The following COL25A1 variants were observed in gnomAD, a reference collection of about 807,000 sequenced individuals.
The protein encoded by COL25A1 is collagen type XXV alpha 1 chain, also known as collagen alpha-1(XXV) chain.
COL25A1 carries 103 observed loss-of-function variants against 128.4 expected under a neutral mutation model. The observed-to-expected ratio is 0.80, with a 90% CI of 0.68 to 0.94. The LOEUF (loss-of-function observed/expected upper bound fraction) is 0.94. Among genes scored for constraint, COL25A1 ranks in the 40% least tolerant of loss-of-function variants. COL25A1 has a pLI of 0.00. For synonymous variants in COL25A1, 279 were observed against 277.2 expected (o/e 1.01, Z -0.06); for missense variants, 745 against 840.0 (o/e 0.89, Z 1.40).
intron 19 of COL25A1, among the ~76,000 whole-genome samples, chr4:108,881,179 C>T (rs1461080293): frequency 1.3e-5 from 2 of 152,156 alleles, no homozygotes; most frequent in African/African-American, 4.8e-5. Context: ...TTCTCAGTGA[C>T]TTTTATTATG....
At chr4:109,078,861 C>T (rs1213514708) in intron 3 of COL25A1, among the ~76,000 whole-genome samples, 1 of 152,206 alleles carries the variant, frequency 6.6e-6, no homozygotes, top group Non-Finnish European at 1.5e-5. Flanking sequence ...AGCTACAGCA[C>T]ACTGGCTTCC....
intron 3 of COL25A1, among the ~76,000 whole-genome samples, chr4:109,119,209 C>T (rs920627141): frequency 2.0e-5 from 3 of 151,872 alleles, no homozygotes; most frequent in Non-Finnish European, 2.9e-5. Flanking sequence ...GTAGTGAAAG[C>T]AGTGCTTAGA....
chr4:109,095,993 G>A (rs1012449619), intron 3 of COL25A1, among the ~76,000 whole-genome samples: 1 of 152,168 alleles, frequency 6.6e-6, no homozygotes. Context: ...TTCACTAACT[G>A]AGTGAAGGGT....
chr4:109,228,266 T>C (rs910421200), intron 3 of COL25A1, among the ~76,000 whole-genome samples: 3 of 152,160 alleles, frequency 2.0e-5, no homozygotes, highest in African/African-American at 7.2e-5. Flanking sequence ...TAGGTACTCC[T>C]TAATTCAGTC....
rs144930938 is a variant in COL25A1 at position 108,912,502 on chromosome 4, A to G, written c.780+5670T>C. ...TCAATATCTTTTCTTAAAGTTTAGC[A>G]TTAGAAAGTCATAAACATACTGCAT... On this transcript the variant is annotated intron_variant, in intron 13 of 37. Coordinates refer to ENST00000399132, the MANE Select transcript of COL25A1 (RefSeq NM_198721.4). Among the ~76,000 whole-genome samples, 1,137 of 152,312 alleles carry G rather than the reference A, an allele frequency of 7.5e-3. 8 individuals are homozygous for G. Among genetic ancestry groups the G allele is most frequent in the African/African-American group, 0.026 (1,062 of 41,576 alleles).
At chr4:108,884,251 G>T in intron 18 of COL25A1, 29 bp from the exon 19 acceptor site, 1 of 1,589,178 alleles carries the variant, frequency 6.3e-7, no homozygotes, top group Non-Finnish European at 8.6e-7. Context: ...TAGCATTATA[G>T]AATGATATTC....
rs928865640 is a variant in COL25A1 at position 108,848,864 on chromosome 4, A to T, written c.1390-61T>A. 5 of 1,277,370 alleles carry T rather than the reference A, an allele frequency of 3.9e-6. No individual in the cohort carries two copies. In the East Asian group the frequency reaches 1.2e-4, roughly 29 times the overall value. 79.1% of individuals were successfully genotyped at this position (1,277,370 alleles called of 1,614,324 possible). A position where few individuals can be genotyped will look rare whatever the true frequency, so the allele number is the denominator to read the frequency against. ...TCATTGGTAACATACTGCACTACAT[A>T]AAAAAACGATGCTAGTTTGTTAACA... On this transcript the variant is annotated intron_variant, in intron 26 of 37. Coordinates refer to ENST00000399132, the MANE Select transcript of COL25A1 (RefSeq NM_198721.4).
chr4:109,260,371 A>C (rs1267778831), intron 3 of COL25A1, among the ~76,000 whole-genome samples: 1 of 152,218 alleles, frequency 6.6e-6, no homozygotes, highest in Non-Finnish European at 1.5e-5. Flanking sequence ...TTTGGAACTT[A>C]AACAGGAAAT....
chr4:109,003,773 C>T (rs559146585), intron 6 of COL25A1, among the ~76,000 whole-genome samples: 5 of 152,212 alleles, frequency 3.3e-5, no homozygotes, highest in Non-Finnish European at 5.9e-5. Flanking sequence ...GCACTCCAGC[C>T]TGGGCAACAG....
At chr4:108,829,368 GGTGTGTAT>G (rs1309701872) in intron 32 of COL25A1, among the ~76,000 whole-genome samples, 1 of 149,296 alleles carries the variant, frequency 6.7e-6, no homozygotes, top group Non-Finnish European at 1.5e-5. Flanking sequence ...TAACTAGTAA[GGTGTGTAT>G]GTGTAAGTGT....
chr4:108,934,725 T>C (rs1747202823), intron 11 of COL25A1, among the ~76,000 whole-genome samples: 1 of 152,186 alleles, frequency 6.6e-6, no homozygotes, highest in Admixed American at 6.5e-5. Context: ...ATTACACTGA[T>C]TTACAGAAAG....
At chr4:109,266,022 G>GT (rs77148435) in intron 3 of COL25A1, among the ~76,000 whole-genome samples, 33,257 of 151,778 alleles carry the variant, frequency 0.22, 4,238 homozygotes, top group Middle Eastern at 0.31. Context: ...CTGTGTTAAA[G>GT]TTTTTTTTAA....
At chr4:109,015,266 A>G (rs1248237983) in intron 5 of COL25A1, among the ~76,000 whole-genome samples, 1 of 152,236 alleles carries the variant, frequency 6.6e-6, no homozygotes, top group East Asian at 1.9e-4. Flanking sequence ...GTTACTGAGT[A>G]GTATTGTTCT....
At chr4:108,839,851 A>G (rs1443869318) in intron 31 of COL25A1, among the ~76,000 whole-genome samples, 1 of 152,164 alleles carries the variant, frequency 6.6e-6, no homozygotes, top group African/African-American at 2.4e-5. Flanking sequence ...TCCTAATCCA[A>G]TGGTGATGGC....
Position 109,050,145 on chromosome 4 carries a change from T to C in COL25A1, c.402A>G (p.Arg134=). 2 of 1,609,342 alleles carry C rather than the reference T, an allele frequency of 1.2e-6. No homozygotes were observed. The highest frequency in any genetic ancestry group is 1.7e-6 in the Non-Finnish European group (2 of 1,176,894). ...PPGKRGKRGR[R]GESGPPGQPG... is the part of the protein sequence containing the mutation. Reference sequence around the variant, plus strand: ...GAAAGAGAGACTTACCAGATTCTCCTCTTCGGCCTCTCTTACCTCGTTTCC... The same window carrying C: ...GAAAGAGAGACTTACCAGATTCTCCCCTTCGGCCTCTCTTACCTCGTTTCC... Residue 134 remains arginine, a synonymous_variant, in exon 4 of 38, where the codon AGA becomes AGG. Transcript: ENST00000399132.
At chr4:109,175,934 C>T (rs1213270191) in intron 3 of COL25A1, among the ~76,000 whole-genome samples, 1 of 152,108 alleles carries the variant, frequency 6.6e-6, no homozygotes, top group Non-Finnish European at 1.5e-5. Flanking sequence ...AGAGTTAAAC[C>T]TTAACTTATA....
At chr4:109,054,273 G>C (rs1278648307) in intron 3 of COL25A1, among the ~76,000 whole-genome samples, 1 of 152,162 alleles carries the variant, frequency 6.6e-6, no homozygotes, top group African/African-American at 2.4e-5. Context: ...ATGGAACACA[G>C]AGTTAAAAAC....
intron 31 of COL25A1, among the ~76,000 whole-genome samples, chr4:108,840,174 G>A (rs1258506362): frequency 1.3e-5 from 2 of 150,614 alleles, no homozygotes; most frequent in African/African-American, 2.4e-5. Flanking sequence ...CCCAGGAGGC[G>A]GAGGTTGCAG....
intron 37 of COL25A1, 106 bp from the exon 38 acceptor site, chr4:108,814,035 G>T: frequency 1.2e-6 from 1 of 854,448 alleles, no homozygotes. Context: ...CTTGAATAGA[G>T]TCTATAAGCC....
Sources: allele counts gnomAD v4.1 joint callset (sites outside exome capture counted in the v4.1 genomes callset), GRCh38; gene constraint gnomAD v4.1.1; transcripts MANE v1.5; gene names NCBI Gene and HGNC (gene_info 2026-07-23, HGNC 2026-07-21).